PLS3: variants seen among roughly 807,000 people sequenced by gnomAD.
The protein encoded by PLS3 is plastin-3.
A neutral mutation model predicts 46.5 loss-of-function variants in PLS3; 11 were observed. That is an observed-to-expected ratio of 0.24 (90% CI 0.15 to 0.39). PLS3 has a LOEUF of 0.39. Ranked by LOEUF, PLS3 falls within the 10% of genes least tolerant of loss-of-function variation. PLS3 has a pLI of 1.00. For missense variants in PLS3, 308 were observed against 461.8 expected (o/e 0.67, Z 3.05); for synonymous variants, 167 against 162.2 (o/e 1.03, Z -0.22).
At chrX:115,593,807 T>G (rs1414998352) in intron 1 of PLS3, among the ~76,000 whole-genome samples, 1 of 111,592 alleles carries the variant, frequency 9.0e-6, no homozygotes, top group Non-Finnish European at 1.9e-5. Flanking sequence ...AGAATAAAAT[T>G]TTTGTTAAGA....
chrX:115,647,601 C>T lies in PLS3; in HGVS notation c.1563C>T (p.Asp521=), dbSNP rs781924952. 50 of 1,194,574 alleles carry T rather than the reference C, an allele frequency of 4.2e-5. No individual in the cohort carries two copies. The highest frequency in any genetic ancestry group is 5.3e-5 in the African/African-American group (3 of 56,974). ...EDLGDGQKAN[D]DIIVNWVNRT... ...TTGGAGATGGTCAGAAAGCCAATGA[C>T]GACATCATTGTGAACTGGGTGAACA... Residue 521 remains aspartate (D), a synonymous_variant, in exon 14 of 16, where the codon GAC becomes GAT. Transcript: ENST00000355899.
chrX:115,624,066 TA>T (rs782004139), intron 3 of PLS3, among the ~76,000 whole-genome samples: 2 of 110,174 alleles, frequency 1.8e-5, no homozygotes, highest in African/African-American at 6.6e-5. Flanking sequence ...CGGTCTCTAC[TA>T]AAAATACAAA....
chrX:115,597,293 A>T (rs1188616400), intron 1 of PLS3, among the ~76,000 whole-genome samples: 1 of 111,640 alleles, frequency 9.0e-6, no homozygotes, highest in Non-Finnish European at 1.9e-5. Flanking sequence ...TTCTGCTCTC[A>T]TCTCTCTTCC....
chrX:115,606,771 A>G (rs1263757142), intron 1 of PLS3, among the ~76,000 whole-genome samples: 1 of 111,516 alleles, frequency 9.0e-6, no homozygotes, highest in Non-Finnish European at 1.9e-5. Context: ...AGTGTTGAAC[A>G]TATTAGTGAA....
At position 115,634,984 on chromosome X, in the gene PLS3, G is replaced by T. The variant is rs1556639959; in HGVS notation, c.686G>T (p.Gly229Val). ...LRAGKPHLVL[G>V]LLWQIIKIGL... Reference sequence around the variant, plus strand: ...GCTGGGAAACCTCATCTGGTTTTGGGACTGCTTTGGCAGATCATTAAGATC... The same window carrying T: ...GCTGGGAAACCTCATCTGGTTTTGGTACTGCTTTGGCAGATCATTAAGATC... The change falls in exon 7 of 16, where the codon GGA (glycine) becomes GTA (valine). Residue 229 changes from glycine (G) to valine (V), a missense_variant. Physicochemically the swap from Gly to Val is moderately radical, Grantham distance 109. Coordinates refer to ENST00000355899, the MANE Select transcript of PLS3 (RefSeq NM_005032.7). 8.3e-7 allele frequency: 1 copy of T among 1,208,860 alleles called. No homozygotes were observed. Among genetic ancestry groups the T allele is most frequent in the African/African-American group, 1.7e-5 (1 of 57,168 alleles).
At chrX:115,629,698 G>A in intron 4 of PLS3, 137 bp from the exon 5 acceptor site, 1 of 429,839 alleles carries the variant, frequency 2.3e-6, no homozygotes, top group Non-Finnish European at 4.0e-6. Context: ...CCAAGTGTCT[G>A]GGTTTCCACA....
chrX:115,624,044 C>A (rs147279066), intron 3 of PLS3, among the ~76,000 whole-genome samples: 1,713 of 110,765 alleles, frequency 0.015, 31 homozygotes, highest in African/African-American at 0.053. Flanking sequence ...TACTGGCCAA[C>A]ATGGTGAAAC....
intron 1 of PLS3, among the ~76,000 whole-genome samples, chrX:115,598,167 T>C (rs190338621): frequency 2.7e-4 from 30 of 109,185 alleles, no homozygotes; most frequent in East Asian, 2.6e-3. Context: ...TGGGGTGATA[T>C]TGCGTGCCTG....
chrX:115,624,498 A>G (rs1556638201), intron 3 of PLS3: 2 of 112,218 alleles, frequency 1.8e-5, no homozygotes, highest in Non-Finnish European at 3.7e-5. Flanking sequence ...GCAGTTAACT[A>G]TGATTGGCTG....
At chrX:115,562,659 G>A (rs782069970) in intron 1 of PLS3, 13 of 111,520 alleles carry the variant, frequency 1.2e-4, no homozygotes, top group African/African-American at 4.2e-4. Context: ...GGACTGGGGA[G>A]CCTAAACTTG....
intron 6 of PLS3, 76 bp from the exon 7 acceptor site, chrX:115,634,805 T>C (rs2074813536): frequency 2.1e-6 from 2 of 933,971 alleles, no homozygotes; most frequent in African/African-American, 3.9e-5. Context: ...GAATGTTATT[T>C]TCAGTGAAGG....
intron 1 of PLS3, among the ~76,000 whole-genome samples, chrX:115,600,674 T>C (rs1490640085): frequency 8.9e-6 from 1 of 112,407 alleles, no homozygotes; most frequent in African/African-American, 3.2e-5. Flanking sequence ...AGTAGGACAA[T>C]GGAAGTCCCA....
rs782726515 is a variant in PLS3 at position 115,622,415 on chromosome X, T to C, written c.237+6T>C. 1.8e-6 allele frequency: 2 copies of C among 1,121,514 alleles called. No individual in the cohort carries two copies. Among genetic ancestry groups the C allele is most frequent in the Non-Finnish European group, 2.4e-6 (2 of 820,934 alleles). The allele number at this position is 1,121,514 out of a possible 1,213,427, so 92.4% of individuals were successfully genotyped here. ...GTTTTGACGAATTTGTTTATGTAAGTATGTGAAAATTCACAATTATTAGAA... is the reference window on the plus strand; with the variant it reads ...GTTTTGACGAATTTGTTTATGTAAGCATGTGAAAATTCACAATTATTAGAA... On this transcript the variant is annotated splice_donor_region_variant and intron_variant, in intron 3 of 15. Transcript: ENST00000355899.
intron 1 of PLS3, among the ~76,000 whole-genome samples, chrX:115,564,894 CT>C (rs1251765187): frequency 9.0e-6 from 1 of 111,693 alleles, no homozygotes; most frequent in African/African-American, 3.3e-5. Flanking sequence ...GGCAATTTTT[CT>C]TTTGGTGAAG....
chrX:115,577,873 A>G (rs1556631391), intron 1 of PLS3, among the ~76,000 whole-genome samples: 1 of 111,465 alleles, frequency 9.0e-6, no homozygotes, highest in Non-Finnish European at 1.9e-5. Context: ...TGTCCATTTC[A>G]TTCATCTATT....
At chrX:115,639,725 CTG>C (rs1556640734) in intron 8 of PLS3, 1 of 341,362 alleles carries the variant, frequency 2.9e-6, no homozygotes, top group African/African-American at 2.6e-5. Context: ...AGTTTTCAAG[CTG>C]TGTTTTGTGG....
intron 1 of PLS3, among the ~76,000 whole-genome samples, chrX:115,602,123 CT>C (rs1447812951): frequency 9.0e-6 from 1 of 111,662 alleles, no homozygotes; most frequent in African/African-American, 3.3e-5. Context: ...TCGGAAAAAA[CT>C]TTTCTGACGC....
chrX:115,630,749 CAT>C (rs199572308), intron 5 of PLS3, among the ~76,000 whole-genome samples: 4,000 of 91,327 alleles, frequency 0.044, 99 homozygotes, highest in Non-Finnish European at 0.064. Context: ...TATATTTACA[CAT>C]ATATATTTTA....
chrX:115,584,062 G>A (rs1556632130), intron 1 of PLS3, among the ~76,000 whole-genome samples: 1 of 111,847 alleles, frequency 8.9e-6, no homozygotes, highest in East Asian at 2.8e-4. Context: ...CATGTGTTTG[G>A]CCAGATTAGC....
Sources: allele counts gnomAD v4.1 joint callset (sites outside exome capture counted in the v4.1 genomes callset), GRCh38; gene constraint gnomAD v4.1.1; transcripts MANE v1.5; gene names NCBI Gene and HGNC (gene_info 2026-07-23, HGNC 2026-07-21).